Variants in BTBD9 observed in about 807,000 individuals in gnomAD.
BTBD9 encodes BTB/POZ domain-containing protein 9.
A neutral mutation model predicts 64.3 loss-of-function variants in BTBD9; 49 were observed. The observed-to-expected ratio is 0.76, with a 90% CI of 0.61 to 0.97. BTBD9 has a LOEUF of 0.97. Ranked by LOEUF, BTBD9 falls within the 50% of genes least tolerant of loss-of-function variation. BTBD9 has a pLI of 0.00. For synonymous variants in BTBD9, 260 were observed against 274.7 expected (o/e 0.95, Z 0.53); for missense variants, 598 against 762.1 (o/e 0.78, Z 2.53).
At chr6:38,362,741 G>C (rs930947485) in intron 6 of BTBD9, among the ~76,000 whole-genome samples, 15 of 152,202 alleles carry the variant, frequency 9.9e-5, no homozygotes, top group African/African-American at 3.6e-4. Context: ...TATAGCAGAA[G>C]AAAGGAAAAC....
intron 6 of BTBD9, among the ~76,000 whole-genome samples, chr6:38,573,023 A>C (rs1421486103): frequency 6.6e-6 from 1 of 152,120 alleles, no homozygotes. Context: ...GTATTGATAC[A>C]AAGTTCTCAC....
intron 6 of BTBD9, among the ~76,000 whole-genome samples, chr6:38,411,996 C>T (rs1767449927): frequency 6.6e-6 from 1 of 151,974 alleles, no homozygotes; most frequent in African/African-American, 2.4e-5. Flanking sequence ...TATGTACACA[C>T]ACATATATAT....
chr6:38,546,987 G>T (rs1445688336), intron 6 of BTBD9, among the ~76,000 whole-genome samples: 1 of 152,118 alleles, frequency 6.6e-6, no homozygotes, highest in Non-Finnish European at 1.5e-5. Context: ...TGTTATCAGT[G>T]TTCTTTGATG....
intron 9 of BTBD9, among the ~76,000 whole-genome samples, chr6:38,198,904 A>C (rs563373803): frequency 6.6e-6 from 1 of 152,336 alleles, no homozygotes; most frequent in South Asian, 2.1e-4. Context: ...CACCTCAGAG[A>C]GGAAGGCACA....
chr6:38,515,265 T>G (rs1009990374), intron 6 of BTBD9, among the ~76,000 whole-genome samples: 5 of 152,220 alleles, frequency 3.3e-5, no homozygotes, highest in African/African-American at 1.2e-4. Context: ...GCGGATTTAA[T>G]GAGAACATGA....
chr6:38,458,014 A>G (rs1035240502), intron 6 of BTBD9, among the ~76,000 whole-genome samples: 70 of 152,304 alleles, frequency 4.6e-4, no homozygotes, highest in Admixed American at 3.7e-3. Flanking sequence ...GAAGACAAAC[A>G]ACCCTAAGGA....
At chr6:38,615,433 C>G (rs1562423467) in intron 1 of BTBD9, among the ~76,000 whole-genome samples, 1 of 152,172 alleles carries the variant, frequency 6.6e-6, no homozygotes, top group Non-Finnish European at 1.5e-5. Context: ...CTCTGCAACC[C>G]AACCACCTCC....
At chr6:38,277,842 C>T (rs765243505) in intron 8 of BTBD9, among the ~76,000 whole-genome samples, 1 of 152,090 alleles carries the variant, frequency 6.6e-6, no homozygotes, top group African/African-American at 2.4e-5. Flanking sequence ...AAACAGAACA[C>T]ATGAAATATG....
chr6:38,417,225 T>C (rs1767707683), intron 6 of BTBD9, among the ~76,000 whole-genome samples: 2 of 152,216 alleles, frequency 1.3e-5, no homozygotes, highest in Non-Finnish European at 2.9e-5. Context: ...ATTATAGGCA[T>C]GAGCTACCCT....
Position 38,228,434 on chromosome 6 carries a change from A to C in BTBD9, c.1562+27975T>G, listed in dbSNP as rs1431148997. ...TTTGGGTACTATGATGTGTCAGTGT[A>C]GGTTCATCAAATGCAACAAATGTAC... On this transcript the variant is annotated intron_variant, in intron 9 of 10. Coordinates refer to ENST00000481247, the MANE Select transcript of BTBD9 (RefSeq NM_001099272.2). Among the ~76,000 whole-genome samples, 7 of 145,848 alleles carry C rather than the reference A, an allele frequency of 4.8e-5. No homozygotes were observed. The East Asian group carries it at 1.5e-3, about 30-fold the overall frequency.
chr6:38,536,731 T>C (rs13200902), intron 6 of BTBD9, among the ~76,000 whole-genome samples: 28,219 of 152,086 alleles, frequency 0.19, 2,658 homozygotes, highest in East Asian at 0.27. Flanking sequence ...ACAAACTTCA[T>C]GTGTGCTCTC....
rs1764275519 is a variant in BTBD9, at chr6:38,248,200, T to A, written c.1562+8209A>T. Reference sequence around the variant, plus strand: ...AAAAAACTCTTTGCAGCATCATTTTTAATAAACACCTAGATTGGGGGAAAA... The same window carrying A: ...AAAAAACTCTTTGCAGCATCATTTTAAATAAACACCTAGATTGGGGGAAAA... On this transcript the variant is annotated intron_variant, in intron 9 of 10. Coordinates refer to ENST00000481247, the MANE Select transcript of BTBD9 (RefSeq NM_001099272.2). Among the ~76,000 whole-genome samples, 3 of 152,322 alleles carry A rather than the reference T, an allele frequency of 2.0e-5. No homozygotes were observed. In the South Asian group the frequency reaches 6.2e-4, roughly 32 times the overall value.
intron 6 of BTBD9, among the ~76,000 whole-genome samples, chr6:38,569,655 C>T (rs1469132105): frequency 6.6e-6 from 1 of 152,046 alleles, no homozygotes; most frequent in East Asian, 1.9e-4. Context: ...TTTTCTCACA[C>T]AAAAGAAGCT....
rs1775285714 is a variant in BTBD9, at chr6:38,561,995, T to A, written c.1154+15605A>T. On this transcript the variant is annotated intron_variant, in intron 6 of 10. Transcript: ENST00000481247. The stretch of plus-strand genomic sequence containing the variant: ...TGCACCTAGTACTATAAAGCATCTA[T>A]CCTTATTACCAATACCCTGCAGATA... Among the ~76,000 whole-genome samples, 4 of 152,284 alleles carry A rather than the reference T, an allele frequency of 2.6e-5. 1 individual carries two copies. Among genetic ancestry groups the A allele is most frequent in the Admixed American group, 2.6e-4 (4 of 15,290 alleles).
chr6:38,225,719 C>A (rs1179164371), intron 9 of BTBD9, among the ~76,000 whole-genome samples: 1 of 152,178 alleles, frequency 6.6e-6, no homozygotes, highest in African/African-American at 2.4e-5. Flanking sequence ...GTCACTTAAC[C>A]AGCCAGGCAA....
intron 4 of BTBD9, among the ~76,000 whole-genome samples, chr6:38,585,673 A>T (rs1415454774): frequency 6.6e-6 from 1 of 152,170 alleles, no homozygotes; most frequent in Non-Finnish European, 1.5e-5. Context: ...GATAGATGAG[A>T]CAAATTTAAA....
At chr6:38,316,618 G>A (rs192539065) in intron 7 of BTBD9, among the ~76,000 whole-genome samples, 77 of 152,070 alleles carry the variant, frequency 5.1e-4, no homozygotes, top group Admixed American at 3.7e-3. Context: ...AACTTTCTGT[G>A]GTTTCTATTT....
chr6:38,532,858 T>C (rs1773858348), intron 6 of BTBD9, among the ~76,000 whole-genome samples: 1 of 151,698 alleles, frequency 6.6e-6, no homozygotes, highest in Non-Finnish European at 1.5e-5. Flanking sequence ...GAGAGACTCC[T>C]TCTGCTTGAG....
intron 6 of BTBD9, among the ~76,000 whole-genome samples, chr6:38,558,541 T>C (rs1228878658): frequency 3.3e-5 from 5 of 152,210 alleles, no homozygotes; most frequent in African/African-American, 1.2e-4. Flanking sequence ...CTGTCATAGA[T>C]GGCTCTTATG....
Sources: allele counts gnomAD v4.1 joint callset (sites outside exome capture counted in the v4.1 genomes callset), GRCh38; gene constraint gnomAD v4.1.1; transcripts MANE v1.5; gene names NCBI Gene and HGNC (gene_info 2026-07-23, HGNC 2026-07-21).